COP1: variants seen among roughly 807,000 people sequenced by gnomAD.
The protein encoded by COP1 is COP1 E3 ubiquitin ligase, also known as E3 ubiquitin-protein ligase COP1.
Under a neutral mutation model 101.3 loss-of-function variants are expected in COP1, and 24 were observed. The ratio of observed to expected loss-of-function variants is 0.24; its 90% CI spans 0.17 to 0.33. The LOEUF (loss-of-function observed/expected upper bound fraction) is 0.33, where lower values mean the gene tolerates loss of function less well. Among genes scored for constraint, COP1 ranks in the 10% least tolerant of loss-of-function variants. The pLI is 1.00. For missense variants in COP1, 663 were observed against 906.2 expected (o/e 0.73, Z 3.45); for synonymous variants, 347 against 341.9 (o/e 1.01, Z -0.17).
intron 9 of COP1, among the ~76,000 whole-genome samples, chr1:176,109,592 C>G (rs1684935000): frequency 6.6e-6 from 1 of 151,938 alleles, no homozygotes; most frequent in Non-Finnish European, 1.5e-5. Flanking sequence ...TCTACACACC[C>G]TTAAAAAAAA....
intron 5 of COP1, among the ~76,000 whole-genome samples, chr1:176,160,827 G>C (rs1172453806): frequency 6.6e-6 from 1 of 152,156 alleles, no homozygotes; most frequent in Non-Finnish European, 1.5e-5. Context: ...ATCTTTAAGT[G>C]TGCCTGTTAT....
Position 175,944,858 on chromosome 1 carries a change from GTTAT to G in COP1, c.*291_*294del, listed in dbSNP as rs772409679. ...TGGCTCAATAAACTTTTATTGTTTT[GTTAT>G]TTATTTTTATTCAAAAGAATTTGTT... On this transcript the variant is annotated 3_prime_UTR_variant, in exon 20 of 20. Transcript: ENST00000367669. The G allele has an allele frequency of 2.2e-4, 81 of 372,640 alleles. No individual in the cohort carries two copies. The highest frequency in any genetic ancestry group is 3.6e-4 in the Non-Finnish European group (75 of 206,270). The allele number at this position is 372,640 out of a possible 1,614,324, so 23.1% of individuals were successfully genotyped here.
At chr1:176,002,493 T>C (rs976199508) in intron 15 of COP1, among the ~76,000 whole-genome samples, 1 of 150,652 alleles carries the variant, frequency 6.6e-6, no homozygotes, top group Non-Finnish European at 1.5e-5. Flanking sequence ...CTCCCAATGC[T>C]ATCCCTTCCC....
chr1:176,067,419 A>G (rs925001925), intron 11 of COP1, among the ~76,000 whole-genome samples: 3 of 152,186 alleles, frequency 2.0e-5, no homozygotes, highest in Admixed American at 1.3e-4. Flanking sequence ...TAGTGGGCAG[A>G]GACACAGCAA....
At chr1:175,947,590 G>C (rs563295291) in intron 18 of COP1, among the ~76,000 whole-genome samples, 1 of 151,906 alleles carries the variant, frequency 6.6e-6, no homozygotes, top group African/African-American at 2.4e-5. Context: ...GGCTGGTCTC[G>C]AACTCCCAAC....
In COP1 at chr1:176,118,784, A is replaced by G. The variant is rs895785569; in HGVS notation, c.969-2103T>C. ...AACAAACAAACAAAAAAACAAAAAC[A>G]AAAACAAAATAGCCAGAAGAAATGA... On this transcript the variant is annotated intron_variant, in intron 8 of 19. Coordinates refer to ENST00000367669, the MANE Select transcript of COP1 (RefSeq NM_022457.7). 4.6e-5 allele frequency among the ~76,000 whole-genome samples: 7 copies of G among 152,282 alleles called. No individual in the cohort carries two copies. In the South Asian group the frequency reaches 6.2e-4, roughly 14 times the overall value.
At chr1:176,077,825 T>C (rs555962021) in intron 11 of COP1, among the ~76,000 whole-genome samples, 1 of 152,278 alleles carries the variant, frequency 6.6e-6, no homozygotes, top group South Asian at 2.1e-4. Context: ...AAAATCGATG[T>C]ACAAAACTTG....
intron 1 of COP1, among the ~76,000 whole-genome samples, chr1:176,199,600 G>GA (rs748927563): frequency 3.3e-5 from 5 of 151,260 alleles, no homozygotes; most frequent in African/African-American, 9.7e-5. Context: ...GCAATTAAAA[G>GA]AAAAAAAACA....
chr1:176,008,739 G>A (rs541072062), intron 15 of COP1, among the ~76,000 whole-genome samples: 2 of 152,218 alleles, frequency 1.3e-5, no homozygotes, highest in African/African-American at 4.8e-5. Context: ...TGCTATTGGC[G>A]GTGTTGCTGT....
At chr1:175,967,875 CTTTTTTT>C (rs375172601) in intron 18 of COP1, among the ~76,000 whole-genome samples, 6 of 148,350 alleles carry the variant, frequency 4.0e-5, no homozygotes, top group African/African-American at 7.4e-5. Flanking sequence ...TTTCTTTTTT[CTTTTTTT>C]TTTGAGATGG....
rs180931254 is a variant in COP1 at position 176,097,432 on chromosome 1, T to A, written c.1027-11542A>T. Among the ~76,000 whole-genome samples, 191 of 152,258 alleles carry A rather than the reference T, an allele frequency of 1.3e-3. 2 individuals carry two copies. Among genetic ancestry groups the A allele is most frequent in the African/African-American group, 4.4e-3 (181 of 41,542 alleles). ...TTTCCTAGCCCTGTCTCTTAAAGGC[T>A]CCACCTGGAGACCATTAATTCAATT... On this transcript the variant is annotated intron_variant, in intron 9 of 19. Transcript: ENST00000367669.
At chr1:175,976,180 G>A (rs1654495687) in intron 18 of COP1, among the ~76,000 whole-genome samples, 1 of 149,928 alleles carries the variant, frequency 6.7e-6, no homozygotes, top group African/African-American at 2.4e-5. Context: ...TTTGTTAATT[G>A]GGAAAGGTAT....
At chr1:176,138,288 T>C (rs1224730414) in intron 6 of COP1, among the ~76,000 whole-genome samples, 1 of 152,038 alleles carries the variant, frequency 6.6e-6, no homozygotes, top group African/African-American at 2.4e-5. Flanking sequence ...AAAACTGAAA[T>C]GGTAGAAAAC....
rs115512099 is a variant in COP1, at chr1:176,104,200, T to C, written c.1026+12424A>G. ...TACACTAAAATAAACTCCAAATAGA[T>C]TGAGAATTTAAATGTAAAAAAATAA... On this transcript the variant is annotated intron_variant, in intron 9 of 19. Coordinates refer to ENST00000367669, the MANE Select transcript of COP1 (RefSeq NM_022457.7). 6.8e-3 allele frequency among the ~76,000 whole-genome samples: 1,029 copies of C among 152,108 alleles called. 13 individuals carry two copies. Among genetic ancestry groups the C allele is most frequent in the Middle Eastern group, 0.01 (3 of 294 alleles).
intron 18 of COP1, among the ~76,000 whole-genome samples, chr1:175,964,345 C>T (rs1651743882): frequency 6.6e-6 from 1 of 151,942 alleles, no homozygotes; most frequent in Non-Finnish European, 1.5e-5. Context: ...CAAAAAAAAG[C>T]CAACAAAAAT....
In COP1 at chr1:176,116,649, G is replaced by A. The variant is rs746526584; in HGVS notation, c.1001C>T (p.Pro334Leu). 2 of 1,612,092 alleles carry A rather than the reference G, an allele frequency of 1.2e-6. No homozygotes were observed. Among genetic ancestry groups the A allele is most frequent in the Non-Finnish European group, 1.7e-6 (2 of 1,178,682 alleles). Residue 334 changes from proline (P) to leucine (L), a missense_variant, in exon 9 of 20, where the codon CCT (proline) becomes CTT (leucine). This residue lies in a region of COP1 where 212 missense variants were observed against 240.7 expected (regional missense o/e 0.88). Coordinates refer to ENST00000367669, the MANE Select transcript of COP1 (RefSeq NM_022457.7). ...SIIDSTEYSQ[P>L]PGFSGSSQTK... ...CTGAGAACTGCCACTGAAACCTGGAGGTTGGCTGTATTCTGTGGAATCAAT... is the reference window on the plus strand; with the variant it reads ...CTGAGAACTGCCACTGAAACCTGGAAGTTGGCTGTATTCTGTGGAATCAAT...
chr1:176,076,332 C>T (rs1678007581), intron 11 of COP1, among the ~76,000 whole-genome samples: 2 of 152,006 alleles, frequency 1.3e-5, no homozygotes, highest in South Asian at 4.1e-4. Context: ...CTCAAAACTA[C>T]ACAAAAACAT....
chr1:176,010,490 C>G (rs1664468197), intron 15 of COP1, among the ~76,000 whole-genome samples: 1 of 152,166 alleles, frequency 6.6e-6, no homozygotes, highest in South Asian at 2.1e-4. Context: ...GCATTCAGGA[C>G]AGCTGTTTTG....
chr1:176,028,747 T>A (rs1668163525), intron 14 of COP1, among the ~76,000 whole-genome samples: 1 of 110,066 alleles, frequency 9.1e-6, no homozygotes. Context: ...ATATTATTCT[T>A]TTTATTATTA....
Sources: allele counts gnomAD v4.1 joint callset (sites outside exome capture counted in the v4.1 genomes callset), GRCh38; gene constraint gnomAD v4.1.1; regional missense constraint gnomAD v4.1.1; transcripts MANE v1.5; gene names NCBI Gene and HGNC (gene_info 2026-07-23, HGNC 2026-07-21).